The following PHEX variants were observed in gnomAD, a reference collection of about 807,000 sequenced individuals.
PHEX encodes the protein phosphate regulating endopeptidase X-linked, also known as phosphate-regulating neutral endopeptidase PHEX.
In PHEX, 16 loss-of-function variants were observed where a neutral mutation model predicts 68.0. The ratio of observed to expected loss-of-function variants is 0.24; its 90% confidence interval spans 0.16 to 0.36. PHEX has a LOEUF of 0.36. Among genes scored for constraint, PHEX ranks in the 10% least tolerant of loss-of-function variants. PHEX has a pLI of 1.00. For synonymous variants in PHEX, 208 were observed against 205.1 expected (o/e 1.01, Z -0.12); for missense variants, 480 against 575.5 (o/e 0.83, Z 1.70).
intron 16 of PHEX, among the ~76,000 whole-genome samples, chrX:22,216,578 G>A (rs866730780): frequency 9.1e-6 from 1 of 110,048 alleles, no homozygotes; most frequent in Middle Eastern, 4.7e-3. Flanking sequence ...GGAGTGCAAA[G>A]GCATGATCTC....
At chrX:22,035,202 C>T (rs1926954961) in intron 1 of PHEX, among the ~76,000 whole-genome samples, 1 of 111,801 alleles carries the variant, frequency 8.9e-6, no homozygotes, top group African/African-American at 3.3e-5. Flanking sequence ...CTCCTCGCAA[C>T]CTTAGTGCTT....
intron 10 of PHEX, among the ~76,000 whole-genome samples, chrX:22,113,408 C>G (rs1321756699): frequency 9.0e-6 from 1 of 111,471 alleles, no homozygotes; most frequent in Non-Finnish European, 1.9e-5. Context: ...TCAGGGCCTC[C>G]CTTCCTCCCT....
At chrX:22,235,456 C>T (rs1935940864) in intron 20 of PHEX, among the ~76,000 whole-genome samples, 3 of 111,830 alleles carry the variant, frequency 2.7e-5, no homozygotes, top group African/African-American at 6.5e-5. Context: ...TGGAAGTCTG[C>T]GATCAGAGTG....
chrX:22,096,668 T>C (rs1930149316), intron 7 of PHEX, among the ~76,000 whole-genome samples: 1 of 112,209 alleles, frequency 8.9e-6, no homozygotes, highest in African/African-American at 3.2e-5. Context: ...ATTGTCAAAA[T>C]TGAGCCAGCA....
intron 7 of PHEX, among the ~76,000 whole-genome samples, chrX:22,095,587 T>G (rs1930101801): frequency 9.0e-6 from 1 of 111,659 alleles, no homozygotes; most frequent in Admixed American, 9.5e-5. Flanking sequence ...AAGAGGAGTG[T>G]GGATATCCTC....
At chrX:22,099,456 G>T in intron 9 of PHEX, 1 of 234,573 alleles carries the variant, frequency 4.3e-6, no homozygotes. Flanking sequence ...TTTCTAAAAT[G>T]TCTGTGTGAA....
At chrX:22,072,142 C>T (rs1289238523) in intron 3 of PHEX, among the ~76,000 whole-genome samples, 4 of 112,768 alleles carry the variant, frequency 3.5e-5, no homozygotes, top group African/African-American at 1.3e-4. Flanking sequence ...TCAGGAGAAT[C>T]GCTTGAACCT....
At chrX:22,144,549 A>G (rs1256184982) in intron 12 of PHEX, among the ~76,000 whole-genome samples, 2 of 110,929 alleles carry the variant, frequency 1.8e-5, no homozygotes, top group African/African-American at 6.5e-5. Context: ...CCATCTATGA[A>G]ATCATTTTAC....
At chrX:22,219,834 G>A (rs1168834281) in intron 17 of PHEX, among the ~76,000 whole-genome samples, 1 of 111,234 alleles carries the variant, frequency 9.0e-6, no homozygotes, top group Non-Finnish European at 1.9e-5. Context: ...AGCCAGGATG[G>A]TCTCGATCTC....
intron 5 of PHEX, among the ~76,000 whole-genome samples, chrX:22,089,861 G>T (rs754384248): frequency 3.2e-4 from 36 of 111,976 alleles, no homozygotes; most frequent in Non-Finnish European, 4.3e-4. Flanking sequence ...ATTTGCGAAG[G>T]TTTCTCAAAA....
intron 10 of PHEX, among the ~76,000 whole-genome samples, chrX:22,112,350 C>T (rs1186023685): frequency 8.9e-6 from 1 of 111,858 alleles, no homozygotes; most frequent in Non-Finnish European, 1.9e-5. Context: ...ATGTTACTCT[C>T]ACCTTTGTTT....
chrX:22,225,087 C>T lies in PHEX; in HGVS notation c.1900-1356C>T, dbSNP rs762264210. On this transcript the variant is annotated intron_variant, in intron 18 of 21. Transcript: ENST00000379374. ...GGTTCTAGGGGAGTATCTGTTTCCT[C>T]GCCTTTTCTAGCTTTTAGAGGCTGC... is the stretch of plus-strand genomic sequence containing the variant. Among the ~76,000 whole-genome samples, 17 of 87,437 alleles carry T rather than the reference C, an allele frequency of 1.9e-4. 1 individual carries two copies. The highest frequency in any genetic ancestry group is 5.5e-4 in the African/African-American group (13 of 23,614). The allele number at this position is 87,437 out of a possible 115,157, so 75.9% of individuals were successfully genotyped here.
intron 2 of PHEX, among the ~76,000 whole-genome samples, chrX:22,046,804 TG>T (rs1378293787): frequency 3.6e-5 from 4 of 110,925 alleles, no homozygotes; most frequent in Non-Finnish European, 7.5e-5. Flanking sequence ...TGACCTGAGG[TG>T]GTCCACCTGC....
chrX:22,106,804 G>A (rs1031717768), intron 9 of PHEX, among the ~76,000 whole-genome samples: 9 of 99,437 alleles, frequency 9.1e-5, no homozygotes, highest in Non-Finnish European at 1.4e-4. Context: ...AAACCAAATA[G>A]AGGCTTTAAT....
At chrX:22,123,649 CT>C (rs1280594615) in intron 11 of PHEX, among the ~76,000 whole-genome samples, 7 of 109,950 alleles carry the variant, frequency 6.4e-5, no homozygotes, top group Non-Finnish European at 1.3e-4. Flanking sequence ...GGGGGTTTTG[CT>C]GTCGCTACTC....
rs1167946365 is a variant in PHEX, at chrX:22,248,360, AATG to A, written c.*412_*414del. The A allele has an allele frequency of 5.7e-6, 1 of 175,339 alleles. No homozygotes were observed. Among genetic ancestry groups the A allele is most frequent in the Non-Finnish European group, 1.1e-5 (1 of 93,210 alleles). 14.4% of individuals were successfully genotyped at this position (175,339 alleles called of 1,213,427 possible). Reference sequence around the variant, plus strand: ...CAATCTATTAAACTTGTAGCCTCTCAATGATGAAGACATGTGCATGAATACCTG... The same window carrying A: ...CAATCTATTAAACTTGTAGCCTCTCAATGAAGACATGTGCATGAATACCTG... On this transcript the variant is annotated 3_prime_UTR_variant, in exon 22 of 22. Coordinates refer to ENST00000379374, the MANE Select transcript of PHEX (RefSeq NM_000444.6).
At chrX:22,234,755 G>A (rs1356907348) in intron 20 of PHEX, among the ~76,000 whole-genome samples, 2 of 107,193 alleles carry the variant, frequency 1.9e-5, no homozygotes, top group African/African-American at 6.9e-5. Context: ...CCTGGCTTTA[G>A]AACCCCTTCT....
intron 12 of PHEX, among the ~76,000 whole-genome samples, chrX:22,166,432 G>GC (rs1356005299): frequency 9.1e-6 from 1 of 110,193 alleles, no homozygotes; most frequent in Non-Finnish European, 1.9e-5. Flanking sequence ...TAAATTACTC[G>GC]CCCTCTCTCC....
At chrX:22,067,464 C>A (rs1275520129) in intron 3 of PHEX, among the ~76,000 whole-genome samples, 1 of 111,316 alleles carries the variant, frequency 9.0e-6, no homozygotes, top group South Asian at 3.8e-4. Context: ...GAGGGTGTTT[C>A]CAAAACAAAA....
Sources: gnomAD v4.1 joint callset for allele counts (sites outside exome capture counted in the v4.1 genomes callset) on GRCh38, gnomAD v4.1.1 for gene constraint, MANE v1.5 for transcripts, NCBI Gene and HGNC (gene_info 2026-07-23, HGNC 2026-07-21) for gene names.